Variants in NPAS3 observed in about 807,000 individuals in gnomAD.
NPAS3 encodes neuronal PAS domain-containing protein 3.
NPAS3 carries 14 observed loss-of-function variants against 73.1 expected under a neutral mutation model. The observed-to-expected ratio is 0.19, with a 90% confidence interval of 0.13 to 0.30. The LOEUF (loss-of-function observed/expected upper bound fraction) is 0.30, where lower values mean the gene tolerates loss of function less well. Ranked by LOEUF, NPAS3 falls within the 10% of genes least tolerant of loss-of-function variation. The pLI, the probability that NPAS3 is intolerant of heterozygous loss-of-function variation, is 1.00. For synonymous variants in NPAS3, 620 were observed against 541.5 expected (o/e 1.14, Z -2.01); for missense variants, 1,096 against 1,250.0 (o/e 0.88, Z 1.86).
upstream of NPAS3, among the ~76,000 whole-genome samples, chr14:32,938,489 G>C (rs7147901): frequency 0.017 from 1,080 of 64,430 alleles, 11 homozygotes; most frequent in African/African-American, 0.034. Flanking sequence ...GAGAAATTGA[G>C]AGAGAGAGAG....
intron 6 of NPAS3, among the ~76,000 whole-genome samples, chr14:33,684,646 G>C (rs564651117): frequency 1.3e-5 from 2 of 152,328 alleles, no homozygotes; most frequent in South Asian, 4.1e-4. Context: ...TGATCAGTAA[G>C]TAAGTGGCAT....
Position 33,094,045 on chromosome 14 carries a change from C to A in NPAS3, c.140+38051C>A, listed in dbSNP as rs553117440. ...TGACAGTTTAATGGGTGCAGCACAC[C>A]AACATGGCACATGTATATATATGTA... On this transcript the variant is annotated intron_variant, in intron 2 of 11. Transcript: ENST00000356141. Among the ~76,000 whole-genome samples the A allele has an allele frequency of 3.3e-5, 5 of 151,698 alleles. No homozygotes were observed. In the South Asian group the frequency reaches 1.0e-3, roughly 32 times the overall value.
chr14:33,566,482 A>C (rs75984515), intron 5 of NPAS3, among the ~76,000 whole-genome samples: 3,704 of 151,916 alleles, frequency 0.024, 152 homozygotes, highest in African/African-American at 0.084. Context: ...ATAGGCAAAC[A>C]CGCCTCTTTA....
At chr14:33,000,020 C>G (rs1260632987) in intron 1 of NPAS3, among the ~76,000 whole-genome samples, 1 of 152,108 alleles carries the variant, frequency 6.6e-6, no homozygotes, top group Non-Finnish European at 1.5e-5. Flanking sequence ...TGACCTAGTA[C>G]ACAAAGGAGA....
At chr14:33,194,259 G>A (rs929224721) in intron 2 of NPAS3, among the ~76,000 whole-genome samples, 5 of 152,120 alleles carry the variant, frequency 3.3e-5, no homozygotes, top group Non-Finnish European at 4.4e-5. Context: ...CAACTGTCTT[G>A]TATGGAGCCT....
intron 1 of NPAS3, among the ~76,000 whole-genome samples, chr14:33,008,645 A>C (rs1414230443): frequency 6.6e-6 from 1 of 152,210 alleles, no homozygotes; most frequent in African/African-American, 2.4e-5. Context: ...AGCACATGGA[A>C]GTTATAGTCT....
At chr14:33,060,612 CT>C (rs2041062438) in intron 2 of NPAS3, among the ~76,000 whole-genome samples, 1 of 152,210 alleles carries the variant, frequency 6.6e-6, no homozygotes, top group South Asian at 2.1e-4. Context: ...GAACCCCATC[CT>C]TTTCCAAGCC....
At chr14:33,708,812 G>A (rs1243480166) in intron 6 of NPAS3, among the ~76,000 whole-genome samples, 1 of 152,182 alleles carries the variant, frequency 6.6e-6, no homozygotes, top group African/African-American at 2.4e-5. Flanking sequence ...AGGAGCCCAG[G>A]TCATTCCAGG....
At chr14:33,702,180 G>A (rs773427793) in intron 6 of NPAS3, among the ~76,000 whole-genome samples, 2 of 152,184 alleles carry the variant, frequency 1.3e-5, no homozygotes, top group Non-Finnish European at 2.9e-5. Flanking sequence ...CTTTAAACAT[G>A]CAAATGGTAT....
intron 4 of NPAS3, among the ~76,000 whole-genome samples, chr14:33,478,775 C>T (rs943459814): frequency 6.6e-6 from 1 of 152,204 alleles, no homozygotes; most frequent in Non-Finnish European, 1.5e-5. Flanking sequence ...AAACGGCACA[C>T]TGGCAATTGG....
chr14:32,948,218 T>C (rs1164803986), intron 1 of NPAS3, among the ~76,000 whole-genome samples: 2 of 152,196 alleles, frequency 1.3e-5, no homozygotes, highest in African/African-American at 2.4e-5. Flanking sequence ...TCTTGAATGC[T>C]GTTTCTTCTT....
intron 7 of NPAS3, among the ~76,000 whole-genome samples, chr14:33,761,994 C>T (rs1566510705): frequency 6.6e-6 from 1 of 152,308 alleles, no homozygotes. Context: ...CAAAGAGATG[C>T]TTCTCCAAAT....
At chr14:33,604,250 C>G (rs1346200419) in intron 5 of NPAS3, among the ~76,000 whole-genome samples, 1 of 151,674 alleles carries the variant, frequency 6.6e-6, no homozygotes, top group Non-Finnish European at 1.5e-5. Context: ...AAGCAAGACC[C>G]AATATGTGGC....
At chr14:33,645,355 T>G (rs1294722056) in intron 5 of NPAS3, among the ~76,000 whole-genome samples, 1 of 152,182 alleles carries the variant, frequency 6.6e-6, no homozygotes, top group African/African-American at 2.4e-5. Context: ...CAGATTTTCC[T>G]TGAGTACATT....
At chr14:33,325,075 T>G (rs1484373423) in intron 3 of NPAS3, among the ~76,000 whole-genome samples, 2 of 152,148 alleles carry the variant, frequency 1.3e-5, no homozygotes, top group Non-Finnish European at 2.9e-5. Context: ...ATTTGTCACT[T>G]TCAACTATAT....
intron 1 of NPAS3, among the ~76,000 whole-genome samples, chr14:33,045,280 C>T (rs189600772): frequency 4.5e-4 from 69 of 152,242 alleles, no homozygotes; most frequent in Middle Eastern, 3.4e-3. Flanking sequence ...TGGAAAGTTG[C>T]CTATTTTCCA....
chr14:33,526,019 CAG>C (rs1394946825), intron 4 of NPAS3, among the ~76,000 whole-genome samples: 2 of 152,032 alleles, frequency 1.3e-5, no homozygotes, highest in Non-Finnish European at 2.9e-5. Flanking sequence ...GAAATGAAAA[CAG>C]AGATTTCAGC....
intron 3 of NPAS3, among the ~76,000 whole-genome samples, chr14:33,343,552 A>T (rs901698127): frequency 3.9e-5 from 6 of 152,156 alleles, no homozygotes; most frequent in Non-Finnish European, 8.8e-5. Context: ...TAATGTCGGC[A>T]TTCATGACAA....
At chr14:33,676,372 G>C (rs548409707) in exon 6 of NPAS3, 1 of 1,578,370 alleles carries the variant, frequency 6.3e-7, no homozygotes, top group Non-Finnish European at 8.6e-7. Flanking sequence ...CTCAGTCGGA[G>C]ACCCCCGAGC....
Sources: allele counts gnomAD v4.1 joint callset (sites outside exome capture counted in the v4.1 genomes callset), GRCh38; gene constraint gnomAD v4.1.1; transcripts MANE v1.5; gene names NCBI Gene and HGNC (gene_info 2026-07-23, HGNC 2026-07-21).